The following GINS2 variants were observed in gnomAD, a reference collection of about 807,000 sequenced individuals.
GINS2 encodes DNA replication complex GINS protein PSF2.
In GINS2, 23 loss-of-function variants were observed where a neutral mutation model predicts 21.2. That is an observed-to-expected ratio of 1.08 (90% CI 0.78 to 1.53). The LOEUF is 1.53. GINS2 is among the 40% of genes most tolerant of loss of function. The pLI, the probability that GINS2 is intolerant of heterozygous loss-of-function variation, is 0.00. For missense variants in GINS2, 323 were observed against 233.9 expected, an observed-to-expected ratio of 1.38 and a Z score of -2.49; for synonymous variants, 118 against 85.6, an observed-to-expected ratio of 1.38 and a Z score of -2.09.
intron 2 of GINS2, among the ~76,000 whole-genome samples, chr16:85,682,028 T>G (rs1343556157): frequency 1.8e-5 from 1 of 55,134 alleles, no homozygotes; most frequent in Non-Finnish European, 4.2e-5. Context: ...CGCCTTTTTT[T>G]TTTTTTTTTT....
intron 2 of GINS2, among the ~76,000 whole-genome samples, chr16:85,687,033 G>C (rs1440388584): frequency 6.6e-6 from 1 of 152,200 alleles, no homozygotes; most frequent in Non-Finnish European, 1.5e-5. Context: ...ACCAGCCTGG[G>C]CAGCATGGCA....
Position 85,677,728 on chromosome 16 carries a change from G to T in GINS2, c.*484C>A, listed in dbSNP as rs2053692408. 6.4e-6 allele frequency: 1 copy of T among 156,918 alleles called. No individual in the cohort carries two copies. Among genetic ancestry groups the T allele is most frequent in the Admixed American group, 6.1e-5 (1 of 16,292 alleles). 9.7% of individuals were successfully genotyped at this position (156,918 alleles called of 1,614,324 possible). On this transcript the variant is annotated 3_prime_UTR_variant, in exon 5 of 5. Coordinates refer to ENST00000253462, the MANE Select transcript of GINS2 (RefSeq NM_016095.3). The stretch of plus-strand genomic sequence containing the variant: ...GGGCTTAGAGGATAAGCACCGGTCA[G>T]CATTGTTGGCTGCACCATCTGCCAT...
intron 2 of GINS2, among the ~76,000 whole-genome samples, chr16:85,686,011 A>AT (rs111568499): frequency 0.27 from 41,118 of 151,446 alleles, 5,528 homozygotes; most frequent in Non-Finnish European, 0.3. Flanking sequence ...AAAAATTAAG[A>AT]TTTTTTTTCC....
intron 2 of GINS2, among the ~76,000 whole-genome samples, chr16:85,685,685 A>AAAAAAAAAAAAAAAAC (rs56405044): frequency 1.2e-4 from 14 of 120,884 alleles, no homozygotes; most frequent in Non-Finnish European, 1.9e-4. Context: ...AAAAAAAAAA[A>AAAAAAAAAAAAAAAAC]AAAAAACCGT....
intron 2 of GINS2, 108 bp from the exon 3 acceptor site, chr16:85,681,789 A>G: frequency 3.0e-6 from 2 of 658,492 alleles, no homozygotes; most frequent in Non-Finnish European, 5.3e-6. Flanking sequence ...ATTATCAACT[A>G]GCAAATACAT....
At chr16:85,687,160 G>C (rs1037146869) in intron 2 of GINS2, among the ~76,000 whole-genome samples, 4 of 152,258 alleles carry the variant, frequency 2.6e-5, no homozygotes, top group African/African-American at 9.6e-5. Context: ...GGTGAAGGCT[G>C]CATTGAGCCG....
chr16:85,688,345 A>G (rs1360501400), intron 1 of GINS2, among the ~76,000 whole-genome samples: 1 of 152,140 alleles, frequency 6.6e-6, no homozygotes. Flanking sequence ...CAGGAGTTCG[A>G]GACCAGCCTG....
Position 85,677,278 on chromosome 16 carries a change from T to G in GINS2, c.*934A>C, listed in dbSNP as rs1259955832. The G allele has an allele frequency of 2.6e-5, 4 of 152,172 alleles. No homozygotes were observed. Among genetic ancestry groups the G allele is most frequent in the Non-Finnish European group, 5.9e-5 (4 of 68,038 alleles). The allele number at this position is 152,172 out of a possible 1,614,324, so 9.4% of individuals were successfully genotyped here. A position where few individuals can be genotyped will look rare whatever the true frequency, so the allele number is the denominator to read the frequency against. On this transcript the variant is annotated 3_prime_UTR_variant, in exon 5 of 5. Coordinates refer to ENST00000253462, the MANE Select transcript of GINS2 (RefSeq NM_016095.3). ...CAAGGTAATGTAATTTCTGTAAAGG[T>G]CCTAACATTTCCAAAATGCTACGAA...
intron 3 of GINS2, 144 bp downstream of exon 3, chr16:85,681,438 G>T (rs934284423): frequency 1.6e-6 from 1 of 611,598 alleles, no homozygotes. Context: ...TGACCTCATG[G>T]TCACTGACCT....
chr16:85,685,105 T>C (rs1041319108), intron 2 of GINS2, among the ~76,000 whole-genome samples: 1 of 152,110 alleles, frequency 6.6e-6, no homozygotes, highest in African/African-American at 2.4e-5. Flanking sequence ...AGGCAGAACT[T>C]ATCTGTGGTG....
chr16:85,680,859 G>A (rs766811287), intron 3 of GINS2, among the ~76,000 whole-genome samples: 25 of 152,216 alleles, frequency 1.6e-4, no homozygotes, highest in Non-Finnish European at 3.1e-4. Flanking sequence ...GCTGTAGAGA[G>A]GGTGAAAGAG....
At chr16:85,688,269 C>T (rs1302583342) in intron 1 of GINS2, among the ~76,000 whole-genome samples, 2 of 152,052 alleles carry the variant, frequency 1.3e-5, no homozygotes, top group Non-Finnish European at 2.9e-5. Flanking sequence ...ATAAATAAGC[C>T]GGGCGCAGTG....
intron 2 of GINS2, among the ~76,000 whole-genome samples, chr16:85,682,464 C>T (rs530808989): frequency 6.7e-6 from 1 of 149,858 alleles, no homozygotes; most frequent in African/African-American, 2.5e-5. Context: ...TAAGCCACCC[C>T]AGCCTGGGCG....
In GINS2 at chr16:85,688,821, G is replaced by A; in HGVS notation, c.78C>T (p.Ile26=). ...TIIPNFSLDK[I]YLIGGDLGPF... is the part of the protein sequence containing the mutation. Reference sequence around the variant, plus strand: ...GCCCAGGCCTCACCCCGATGAGGTAGATCTTGTCCAGACTGAAGTTGGGGA... The same window carrying A: ...GCCCAGGCCTCACCCCGATGAGGTAAATCTTGTCCAGACTGAAGTTGGGGA... Residue 26 remains isoleucine (I), a synonymous_variant, in exon 1 of 5, where the codon ATC becomes ATT. Transcript: ENST00000253462. 1 of 1,537,212 alleles carries A rather than the reference G, an allele frequency of 6.5e-7. No individual in the cohort carries two copies. Among genetic ancestry groups the A allele is most frequent in the South Asian group, 1.2e-5 (1 of 82,860 alleles).
chr16:85,680,734 A>G (rs2053724635), intron 3 of GINS2, among the ~76,000 whole-genome samples: 1 of 152,240 alleles, frequency 6.6e-6, no homozygotes, highest in South Asian at 2.1e-4. Context: ...AGAGGTGAGC[A>G]GGGGCAGGGA....
At chr16:85,682,292 G>T (rs184824511) in intron 2 of GINS2, among the ~76,000 whole-genome samples, 1 of 152,120 alleles carries the variant, frequency 6.6e-6, no homozygotes, top group Non-Finnish European at 1.5e-5. Context: ...TGGGATTATA[G>T]GAGTGAGTCA....
chr16:85,679,738 G>A (rs2053716155), intron 3 of GINS2, among the ~76,000 whole-genome samples: 1 of 152,140 alleles, frequency 6.6e-6, no homozygotes. Context: ...CCCTCACCTA[G>A]CTAATGCCAA....
intron 3 of GINS2, 141 bp downstream of exon 3, chr16:85,681,441 A>T (rs2053731493): frequency 3.2e-6 from 2 of 616,874 alleles, no homozygotes; most frequent in Non-Finnish European, 5.8e-6. Flanking sequence ...CCTCATGGTC[A>T]CTGACCTGAG....
intron 3 of GINS2, among the ~76,000 whole-genome samples, chr16:85,680,163 G>T (rs1351631540): frequency 1.3e-5 from 2 of 152,206 alleles, no homozygotes; most frequent in East Asian, 3.9e-4. Flanking sequence ...ACACCAGGAA[G>T]CAGGCCTATG....
Sources: gnomAD v4.1 joint callset for allele counts (sites outside exome capture counted in the v4.1 genomes callset) on GRCh38, gnomAD v4.1.1 for gene constraint, MANE v1.5 for transcripts, NCBI Gene and HGNC (gene_info 2026-07-23, HGNC 2026-07-21) for gene names.